Variants in NUDT7 observed in about 807,000 individuals in gnomAD.
NUDT7 encodes the protein peroxisomal coenzyme A diphosphatase NUDT7.
NUDT7 carries 19 observed loss-of-function variants against 13.1 expected under a neutral mutation model. The observed-to-expected ratio is 1.45, with a 90% CI of 1.01 to 2.13. The LOEUF is 2.13. Among genes scored for constraint, NUDT7 ranks in the 30% most tolerant of loss-of-function variants. The pLI is 0.00. For synonymous variants in NUDT7, 132 were observed against 109.7 expected (o/e 1.20, Z -1.27); for missense variants, 360 against 291.7 (o/e 1.23, Z -1.71).
In NUDT7 at chr16:77,731,029, T is replaced by C. The variant is rs182360337; in HGVS notation, c.190-4799T>C. Among the ~76,000 whole-genome samples, 7 of 152,278 alleles carry C rather than the reference T, an allele frequency of 4.6e-5. No individual in the cohort carries two copies. The East Asian group carries it at 1.3e-3, about 29-fold the overall frequency. On this transcript the variant is annotated intron_variant, in intron 2 of 3. Coordinates refer to ENST00000268533, the MANE Select transcript of NUDT7 (RefSeq NM_001105663.3). Reference sequence around the variant, plus strand: ...CAAATATTTTCTCCCATTCCACAGATTGTCTTTTCATTCTGTTGAGTGTTT... The same window carrying C: ...CAAATATTTTCTCCCATTCCACAGACTGTCTTTTCATTCTGTTGAGTGTTT...
At chr16:77,732,544 A>G (rs2014350485) in intron 2 of NUDT7, among the ~76,000 whole-genome samples, 1 of 152,002 alleles carries the variant, frequency 6.6e-6, no homozygotes, top group Admixed American at 6.6e-5. Context: ...TTTATACCAT[A>G]TTTTTACTGT....
At chr16:77,735,422 C>T (rs867895056) in intron 2 of NUDT7, 2 of 639,412 alleles carry the variant, frequency 3.1e-6, no homozygotes, top group African/African-American at 3.5e-5. Context: ...CCTCCTTTAC[C>T]TTCCGCCATG....
At chr16:77,741,099 A>C (rs906039495) in intron 3 of NUDT7, among the ~76,000 whole-genome samples, 1 of 152,148 alleles carries the variant, frequency 6.6e-6, no homozygotes, top group Non-Finnish European at 1.5e-5. Flanking sequence ...TGTCTATCCC[A>C]TTGTTTTTAA....
chr16:77,729,983 C>T (rs1438801857), intron 2 of NUDT7, among the ~76,000 whole-genome samples: 4 of 118,938 alleles, frequency 3.4e-5, no homozygotes, highest in Non-Finnish European at 1.7e-5. Context: ...ACACACATTA[C>T]CTCACATAGT....
At chr16:77,736,426 A>C (rs1364946610) in intron 3 of NUDT7, among the ~76,000 whole-genome samples, 2 of 152,190 alleles carry the variant, frequency 1.3e-5, no homozygotes, top group African/African-American at 4.8e-5. Flanking sequence ...TCATTTTTCT[A>C]CATACTATAG....
rs369907511 is a variant in NUDT7 at position 77,741,656 on chromosome 16, T to A, written c.423T>A (p.Val141=). ...NFQAQPNPAE[V]KDVFLVPLAY... is the part of the protein sequence containing the mutation. ...AGGCCCAGCCGAATCCTGCTGAAGT[T>A]AAGGATGTATTCCTGGTGCCTCTGG... is the stretch of plus-strand genomic sequence containing the variant. The change falls in exon 4 of 4, where the codon GTT becomes GTA. Residue 141 remains valine, a synonymous_variant. Transcript: ENST00000268533. 1.1e-5 allele frequency: 17 copies of A among 1,614,026 alleles called. No homozygotes were observed. Among genetic ancestry groups the A allele is most frequent in the Non-Finnish European group, 1.4e-5 (17 of 1,180,018 alleles).
At chr16:77,735,650 G>A in intron 2 of NUDT7, 178 bp from the exon 3 acceptor site, 1 of 658,808 alleles carries the variant, frequency 1.5e-6, no homozygotes, top group South Asian at 2.0e-5. Context: ...AATTTTCAAG[G>A]TTCATTTCTT....
At chr16:77,723,533 T>C (rs1366072716) in intron 1 of NUDT7, among the ~76,000 whole-genome samples, 1 of 151,888 alleles carries the variant, frequency 6.6e-6, no homozygotes, top group African/African-American at 2.4e-5. Context: ...TTAATCTTCT[T>C]AAATATCCTC....
chr16:77,736,621 T>C, intron 3 of NUDT7: 1 of 228,552 alleles, frequency 4.4e-6, no homozygotes, highest in Non-Finnish European at 9.3e-6. Flanking sequence ...AACCACATCT[T>C]ATTTTCTTTT....
At chr16:77,728,220 C>A (rs1362867369) in intron 2 of NUDT7, among the ~76,000 whole-genome samples, 1 of 151,990 alleles carries the variant, frequency 6.6e-6, no homozygotes, top group Non-Finnish European at 1.5e-5. Flanking sequence ...CCCACTAGCT[C>A]TGGAACCTCG....
Position 77,722,559 on chromosome 16 carries a change from C to A in NUDT7, c.-24C>A, listed in dbSNP as rs751066793. 1 of 1,577,564 alleles carries A rather than the reference C, an allele frequency of 6.3e-7. No homozygotes were observed. The highest frequency in any genetic ancestry group is 1.8e-5 in the Admixed American group (1 of 55,614). On this transcript the variant is annotated 5_prime_UTR_variant, in exon 1 of 4. Transcript: ENST00000268533. ...ACCGAGCAGCTCCGAGGAGTCCGCC[C>A]GGAAACAAACATTCCCCAGGGCAAT... is the stretch of plus-strand genomic sequence containing the variant.
intron 2 of NUDT7, 46 bp from the exon 3 acceptor site, chr16:77,735,782 C>G (rs17716789): frequency 0.11 from 168,416 of 1,557,914 alleles, 9,740 homozygotes; most frequent in African/African-American, 0.18. Context: ...ATAAATAGTT[C>G]CAAAATTAGA....
Position 77,739,576 on chromosome 16 carries a change from T to C in NUDT7, c.349-2006T>C, listed in dbSNP as rs150997135. ...TGCGTTTTGATGGCCTTCTTTACTG[T>C]AAGGTCTTTATGACTTGTATCTCAG... On this transcript the variant is annotated intron_variant, in intron 3 of 3. Coordinates refer to ENST00000268533, the MANE Select transcript of NUDT7 (RefSeq NM_001105663.3). Among the ~76,000 whole-genome samples, 176 of 152,280 alleles carry C rather than the reference T, an allele frequency of 1.2e-3. 2 individuals are homozygous for C. The highest frequency in any genetic ancestry group is 4.0e-3 in the African/African-American group (167 of 41,560).
At chr16:77,737,192 T>C (rs1482810734) in intron 3 of NUDT7, among the ~76,000 whole-genome samples, 1 of 152,236 alleles carries the variant, frequency 6.6e-6, no homozygotes, top group Non-Finnish European at 1.5e-5. Flanking sequence ...TACTAGTTTT[T>C]CTACTAATGT....
chr16:77,733,250 C>T (rs1236011382), intron 2 of NUDT7, among the ~76,000 whole-genome samples: 1 of 152,182 alleles, frequency 6.6e-6, no homozygotes, highest in East Asian at 1.9e-4. Context: ...TTATAAACAA[C>T]AGATACTAAT....
chr16:77,726,046 G>A (rs2014125549), intron 2 of NUDT7, among the ~76,000 whole-genome samples: 1 of 152,154 alleles, frequency 6.6e-6, no homozygotes, highest in African/African-American at 2.4e-5. Context: ...AGGATTGGGG[G>A]TGCCAAATTG....
chr16:77,724,680 C>T (rs1432739178), intron 1 of NUDT7, among the ~76,000 whole-genome samples: 1 of 152,170 alleles, frequency 6.6e-6, no homozygotes, highest in African/African-American at 2.4e-5. Context: ...TTGGGGTAGA[C>T]ATGAATTTCA....
At position 77,735,958 on chromosome 16, in the gene NUDT7, T is replaced by C; in HGVS notation, c.320T>C (p.Val107Ala). 7 of 1,614,094 alleles carry C rather than the reference T, an allele frequency of 4.3e-6. No individual in the cohort carries two copies. The highest frequency in any genetic ancestry group is 5.1e-6 in the Non-Finnish European group (6 of 1,180,004). The part of the protein sequence containing the change: ...VGLRPHQVEV[V>A]CCLVPCLIDT... ...CTCCGTCCTCACCAAGTGGAAGTTGTCTGCTGCCTGGTGCCATGTCTTATT... is the reference window on the plus strand; with the variant it reads ...CTCCGTCCTCACCAAGTGGAAGTTGCCTGCTGCCTGGTGCCATGTCTTATT... The change falls in exon 3 of 4, where the codon GTC (valine) becomes GCC (alanine). Residue 107 changes from valine (V) to alanine (A), a missense_variant. Coordinates refer to ENST00000268533, the MANE Select transcript of NUDT7 (RefSeq NM_001105663.3).
chr16:77,723,592 C>CTTTTTTTTTTTTTTTT (rs148451618), intron 1 of NUDT7, among the ~76,000 whole-genome samples: 1 of 125,702 alleles, frequency 8.0e-6, no homozygotes, highest in African/African-American at 3.1e-5. Context: ...TTTGTATACA[C>CTTTTTTTTTTTTTTTT]TTTTTTTTTT....
Sources: gnomAD v4.1 joint callset for allele counts (sites outside exome capture counted in the v4.1 genomes callset) on GRCh38, gnomAD v4.1.1 for gene constraint, MANE v1.5 for transcripts, NCBI Gene and HGNC (gene_info 2026-07-23, HGNC 2026-07-21) for gene names.